The following GATA4 variants were observed in gnomAD, a reference collection of about 807,000 sequenced individuals.
GATA4 encodes the protein transcription factor GATA-4.
A neutral mutation model predicts 37.9 loss-of-function variants in GATA4; 7 were observed. The observed-to-expected ratio is 0.18, with a 90% CI of 0.11 to 0.35. GATA4 has a LOEUF of 0.35. Ranked by LOEUF, GATA4 falls within the 10% of genes least tolerant of loss-of-function variation. The pLI is 1.00. For synonymous variants in GATA4, 372 were observed against 292.6 expected (o/e 1.27, Z -2.77); for missense variants, 647 against 653.0 (o/e 0.99, Z 0.10).
chr8:11,690,168 G>T (rs1203777313), upstream of GATA4, among the ~76,000 whole-genome samples: 3 of 152,226 alleles, frequency 2.0e-5, 1 homozygote, highest in African/African-American at 7.2e-5. Flanking sequence ...AAGGTGTGAA[G>T]AGGTGCCACG....
At chr8:11,704,812 T>C (rs1019104537) in intron 1 of GATA4, among the ~76,000 whole-genome samples, 1 of 152,170 alleles carries the variant, frequency 6.6e-6, no homozygotes, top group East Asian at 1.9e-4. Flanking sequence ...CGCTCTGAGG[T>C]GCGGAGAGGC....
intron 4 of GATA4, among the ~76,000 whole-genome samples, chr8:11,750,935 A>G (rs1802275085): frequency 2.4e-5 from 3 of 126,288 alleles, no homozygotes; most frequent in Non-Finnish European, 4.8e-5. Context: ...TGACAAAGTG[A>G]GACCCTGTCT....
At chr8:11,747,342 T>A (rs538114194) in intron 2 of GATA4, among the ~76,000 whole-genome samples, 1 of 152,264 alleles carries the variant, frequency 6.6e-6, no homozygotes, top group Non-Finnish European at 1.5e-5. Context: ...AATCTGTCAA[T>A]TGTAACATTC....
At chr8:11,680,280 A>G (rs10086192) in intron 1 of GATA4, among the ~76,000 whole-genome samples, 108,106 of 152,190 alleles carry the variant, frequency 0.71, 39,445 homozygotes, top group Middle Eastern at 0.83. Context: ...CCGGTGGAGC[A>G]GGCTACTTCA....
At chr8:11,710,907 G>A (rs1377338173) in intron 2 of GATA4, among the ~76,000 whole-genome samples, 1 of 151,782 alleles carries the variant, frequency 6.6e-6, no homozygotes, top group East Asian at 1.9e-4. Context: ...GGATCACAAG[G>A]TCAGGAGTTC....
intron 3 of GATA4, 62 bp from the exon 4 acceptor site, chr8:11,750,049 G>C: frequency 6.2e-7 from 1 of 1,612,300 alleles, no homozygotes; most frequent in Non-Finnish European, 8.5e-7. Context: ...AGCCACACGC[G>C]AGGTGGAAGG....
intron 2 of GATA4, among the ~76,000 whole-genome samples, chr8:11,724,515 A>G (rs1800823825): frequency 6.6e-6 from 1 of 152,172 alleles, no homozygotes; most frequent in Non-Finnish European, 1.5e-5. Context: ...TAACATCCTC[A>G]TCTCTGAGTA....
chr8:11,694,391 C>A (rs1799439587), intron 1 of GATA4: 1 of 682,764 alleles, frequency 1.5e-6, no homozygotes, highest in South Asian at 6.7e-5. Context: ...TCAAGGCCTT[C>A]CTCTGTAAGG....
chr8:11,742,653 C>T (rs1408928204), intron 2 of GATA4, among the ~76,000 whole-genome samples: 2 of 152,248 alleles, frequency 1.3e-5, no homozygotes, highest in Non-Finnish European at 2.9e-5. Context: ...GCCGCTGGAG[C>T]TGTGTGGGCC....
chr8:11,730,410 A>C (rs144211661), intron 2 of GATA4, among the ~76,000 whole-genome samples: 1,610 of 152,346 alleles, frequency 0.011, 22 homozygotes, highest in African/African-American at 0.037. Context: ...AGATTCAGTG[A>C]AGGTGAACAG....
chr8:11,680,449 C>G (rs368661319), intron 1 of GATA4: 9 of 983,712 alleles, frequency 9.1e-6, no homozygotes, highest in East Asian at 1.1e-4. Context: ...CCTCTCCGTT[C>G]CTGGCAAGGC....
chr8:11,681,460 G>A, intron 1 of GATA4: 1 of 981,966 alleles, frequency 1.0e-6, no homozygotes, highest in African/African-American at 1.8e-5. Context: ...CCGGAATCCG[G>A]GGCCCGGTCC....
In GATA4 at chr8:11,749,857, T is replaced by G. The variant is rs1802208837; in HGVS notation, c.787-254T>G. 6.6e-6 allele frequency among the ~76,000 whole-genome samples: 1 copy of G among 152,206 alleles called. No individual in the cohort carries two copies. Among genetic ancestry groups the G allele is most frequent in the Non-Finnish European group, 1.5e-5 (1 of 68,034 alleles). ...TATTCGCCTGACGGTGAATGATGGT[T>G]AGGACTGGAAACCAGGTCTCGATGC... On this transcript the variant is annotated intron_variant, in intron 3 of 6. Transcript: ENST00000532059. This position sits in a 1 kb window ranked among gnomAD's most constrained non-coding sequence, Gnocchi z 4.6.
chr8:11,677,559 G>A (rs1011764991), intron 1 of GATA4, among the ~76,000 whole-genome samples: 1 of 152,192 alleles, frequency 6.6e-6, no homozygotes, highest in African/African-American at 2.4e-5. Context: ...AGCCCTTGGT[G>A]TCCTCTTAAG....
chr8:11,682,644 A>G (rs948746446), intron 1 of GATA4, among the ~76,000 whole-genome samples: 1 of 152,218 alleles, frequency 6.6e-6, no homozygotes, highest in African/African-American at 2.4e-5. Context: ...AAGAAACAAA[A>G]TTTTTAACGG....
chr8:11,715,114 T>C (rs1221462408), intron 2 of GATA4, among the ~76,000 whole-genome samples: 1 of 152,220 alleles, frequency 6.6e-6, no homozygotes, highest in Non-Finnish European at 1.5e-5. Context: ...TGAAGTTCAT[T>C]ATCTAATGTA....
Position 11,758,396 on chromosome 8 carries a change from C to G in GATA4, c.1253C>G (p.Ser418Cys). ...PQGYASPVSQ[S>C]PQTSSKQDSW... Reference sequence around the variant, plus strand: ...GGCTATGCGTCTCCCGTCAGCCAGTCTCCACAGACCAGCTCCAAGCAGGAC... The same window carrying G: ...GGCTATGCGTCTCCCGTCAGCCAGTGTCCACAGACCAGCTCCAAGCAGGAC... Residue 418 changes from serine (S) to cysteine (C), a missense_variant, in exon 7 of 7, where the codon TCT (serine) becomes TGT (cysteine). Physicochemically the swap from Ser to Cys is moderately radical, Grantham distance 112 (BLOSUM62 -1). This residue lies in a region of GATA4 where 184 missense variants were observed against 157.1 expected (regional missense o/e 1.17). Transcript: ENST00000532059. The G allele has an allele frequency of 6.2e-7, 1 of 1,614,254 alleles. No homozygotes were observed. Among genetic ancestry groups the G allele is most frequent in the Non-Finnish European group, 8.5e-7 (1 of 1,180,046 alleles).
intron 1 of GATA4, among the ~76,000 whole-genome samples, chr8:11,686,742 C>G (rs1228832293): frequency 2.6e-5 from 4 of 152,156 alleles, no homozygotes; most frequent in African/African-American, 9.7e-5. Context: ...GCTCATGCCT[C>G]TAATCCCAGC....
At chr8:11,698,730 T>C (rs1474336497) in intron 1 of GATA4, among the ~76,000 whole-genome samples, 1 of 152,172 alleles carries the variant, frequency 6.6e-6, no homozygotes, top group African/African-American at 2.4e-5. Flanking sequence ...CTGGCCAGGT[T>C]CCCAGCTCAA....
Sources: allele counts gnomAD v4.1 joint callset (sites outside exome capture counted in the v4.1 genomes callset), GRCh38; gene constraint gnomAD v4.1.1; regional missense constraint gnomAD v4.1.1; non-coding constraint Gnocchi (gnomAD v3.1); transcripts MANE v1.5; gene names NCBI Gene and HGNC (gene_info 2026-07-23, HGNC 2026-07-21).